Variants in CPNE8 observed in about 807,000 individuals in gnomAD.
The protein encoded by CPNE8 is copine 8.
A neutral mutation model predicts 81.5 loss-of-function variants in CPNE8; 45 were observed. That is an observed-to-expected ratio of 0.55 (90% CI 0.44 to 0.71). CPNE8 has a LOEUF of 0.71. Ranked by LOEUF, CPNE8 falls within the 30% of genes least tolerant of loss-of-function variation. CPNE8 has a pLI of 0.00. For synonymous variants in CPNE8, 252 were observed against 226.3 expected (o/e 1.11, Z -1.02); for missense variants, 594 against 672.1 (o/e 0.88, Z 1.28).
intron 3 of CPNE8, among the ~76,000 whole-genome samples, chr12:38,849,138 C>T (rs1943601558): frequency 6.6e-6 from 1 of 152,116 alleles, no homozygotes; most frequent in Non-Finnish European, 1.5e-5. Context: ...CTCTGAAAAT[C>T]TCCTACACAC....
intron 14 of CPNE8, 31 bp from the exon 15 acceptor site, chr12:38,693,869 G>T: frequency 2.0e-6 from 3 of 1,530,590 alleles, no homozygotes; most frequent in Non-Finnish European, 1.8e-6. Flanking sequence ...TCAAACATAA[G>T]CAATTAGGGT....
intron 4 of CPNE8, among the ~76,000 whole-genome samples, chr12:38,843,322 G>C (rs1350712207): frequency 6.6e-6 from 1 of 152,136 alleles, no homozygotes; most frequent in Non-Finnish European, 1.5e-5. Flanking sequence ...ATCATGCTTA[G>C]CTCAGAGCTA....
intron 3 of CPNE8, among the ~76,000 whole-genome samples, chr12:38,867,041 T>A (rs569887224): frequency 1.3e-5 from 2 of 152,008 alleles, no homozygotes; most frequent in East Asian, 3.9e-4. Flanking sequence ...GTATTTTTAG[T>A]AGAGATAGGG....
intron 1 of CPNE8, among the ~76,000 whole-genome samples, chr12:38,884,820 C>A (rs193273413): frequency 5.3e-5 from 8 of 152,034 alleles, no homozygotes; most frequent in Non-Finnish European, 1.2e-4. Flanking sequence ...AAAACGCTCT[C>A]GTGTTGATAA....
In CPNE8 at chr12:38,654,005, A is replaced by T. The variant is rs1938763063; in HGVS notation, c.1572T>A (p.Ala524=). The change falls in exon 20 of 20, where the codon GCT becomes GCA. Residue 524 remains alanine, a synonymous_variant. Coordinates refer to ENST00000331366, the MANE Select transcript of CPNE8 (RefSeq NM_153634.3). ...CAGGGATCTCAGCTAGGACATCTTTAGCCAATCTAGCCATGCTCAGTATGT... is the reference window on the plus strand; with the variant it reads ...CAGGGATCTCAGCTAGGACATCTTTTGCCAATCTAGCCATGCTCAGTATGT... ...GNHILSMARL[A]KDVLAEIPEQ... 3 of 1,613,660 alleles carry T rather than the reference A, an allele frequency of 1.9e-6. No individual in the cohort carries two copies. Among genetic ancestry groups the T allele is most frequent in the Non-Finnish European group, 1.7e-6 (2 of 1,179,950 alleles).
intron 1 of CPNE8, among the ~76,000 whole-genome samples, chr12:38,894,536 G>T (rs531540056): frequency 1.3e-5 from 2 of 152,082 alleles, no homozygotes; most frequent in South Asian, 4.2e-4. Context: ...ACCAAGATAA[G>T]TCAGATAATA....
intron 1 of CPNE8, among the ~76,000 whole-genome samples, chr12:38,885,880 C>T (rs1485829976): frequency 6.6e-6 from 1 of 152,088 alleles, no homozygotes; most frequent in African/African-American, 2.4e-5. Context: ...CCTTCTCTCT[C>T]TCTCTCCTGC....
intron 19 of CPNE8, among the ~76,000 whole-genome samples, chr12:38,665,284 A>G (rs1029806940): frequency 4.6e-5 from 7 of 152,224 alleles, no homozygotes; most frequent in Non-Finnish European, 5.9e-5. Flanking sequence ...CATGTTGACC[A>G]CATGGTAATT....
Position 38,843,098 on chromosome 12 carries a change from G to A in CPNE8, c.291-3143C>T, listed in dbSNP as rs190512165. Among the ~76,000 whole-genome samples, 160 of 152,246 alleles carry A rather than the reference G, an allele frequency of 1.1e-3. 1 individual carries two copies. The highest frequency in any genetic ancestry group is 4.5e-3 in the Admixed American group (69 of 15,294). ...GAAGCTTGGTAGTTTCTCCTAAGAGGATGCATCCACTGTGCCTAAATTTAG... is the reference window on the plus strand; with the variant it reads ...GAAGCTTGGTAGTTTCTCCTAAGAGAATGCATCCACTGTGCCTAAATTTAG... On this transcript the variant is annotated intron_variant, in intron 4 of 19. Transcript: ENST00000331366.
chr12:38,694,644 G>A (rs1373962210), intron 14 of CPNE8, among the ~76,000 whole-genome samples: 1 of 152,194 alleles, frequency 6.6e-6, no homozygotes, highest in Non-Finnish European at 1.5e-5. Context: ...ATGAAATTGA[G>A]AGAAAGTGTA....
At chr12:38,796,557 G>C (rs1942478808) in intron 6 of CPNE8, among the ~76,000 whole-genome samples, 1 of 152,102 alleles carries the variant, frequency 6.6e-6, no homozygotes. Flanking sequence ...ATATAAAAAA[G>C]GGAGGCAGCC....
intron 7 of CPNE8, among the ~76,000 whole-genome samples, chr12:38,771,508 T>G (rs1303624778): frequency 1.3e-5 from 2 of 152,132 alleles, no homozygotes; most frequent in Non-Finnish European, 2.9e-5. Context: ...CAACATAATT[T>G]CTAAACTACA....
intron 10 of CPNE8, among the ~76,000 whole-genome samples, chr12:38,747,830 AT>A (rs1226945191): frequency 1.3e-5 from 2 of 152,090 alleles, no homozygotes; most frequent in African/African-American, 2.4e-5. Context: ...ATTAAAATTA[AT>A]TTTAACTGAT....
At chr12:38,904,220 G>A (rs954672055) in intron 1 of CPNE8, among the ~76,000 whole-genome samples, 1 of 152,146 alleles carries the variant, frequency 6.6e-6, no homozygotes, top group Non-Finnish European at 1.5e-5. Flanking sequence ...GGGCAAAAAT[G>A]GATAAATGAG....
chr12:38,723,385 G>A (rs749248520), intron 13 of CPNE8, among the ~76,000 whole-genome samples: 1 of 151,868 alleles, frequency 6.6e-6, no homozygotes, highest in African/African-American at 2.4e-5. Context: ...TTTATGACAA[G>A]GCACATTCCT....
intron 10 of CPNE8, among the ~76,000 whole-genome samples, chr12:38,738,946 T>A (rs1193912898): frequency 6.6e-6 from 1 of 151,950 alleles, no homozygotes; most frequent in African/African-American, 2.4e-5. Context: ...CCCAAGTAGC[T>A]GGGACCACAA....
intron 10 of CPNE8, among the ~76,000 whole-genome samples, chr12:38,747,997 A>C (rs1288155829): frequency 2.0e-5 from 3 of 151,966 alleles, no homozygotes; most frequent in African/African-American, 7.2e-5. Flanking sequence ...AAGCAATACT[A>C]TTGTAATTAT....
intron 7 of CPNE8, among the ~76,000 whole-genome samples, chr12:38,776,002 A>G (rs1941925909): frequency 6.6e-6 from 1 of 152,184 alleles, no homozygotes; most frequent in African/African-American, 2.4e-5. Context: ...ATTAGGTGTT[A>G]TTTTAATACT....
upstream of CPNE8, chr12:38,905,631 T>G (rs112827602): frequency 6.6e-7 from 1 of 1,508,088 alleles, no homozygotes; most frequent in Non-Finnish European, 8.9e-7. Flanking sequence ...GGGTTGAGGG[T>G]GGAGGCAGAA....
Sources: gnomAD v4.1 joint callset for allele counts (sites outside exome capture counted in the v4.1 genomes callset) on GRCh38, gnomAD v4.1.1 for gene constraint, MANE v1.5 for transcripts, NCBI Gene and HGNC (gene_info 2026-07-23, HGNC 2026-07-21) for gene names.